Variants in FRMD6 observed in about 807,000 individuals in gnomAD.
The protein encoded by FRMD6 is FERM domain containing 6.
In FRMD6, 37 loss-of-function variants were observed where a neutral mutation model predicts 73.2. The observed-to-expected ratio is 0.51, with a 90% CI of 0.39 to 0.66. The LOEUF (loss-of-function observed/expected upper bound fraction) is 0.66, where lower values mean the gene tolerates loss of function less well. Ranked by LOEUF, FRMD6 falls within the 30% of genes least tolerant of loss-of-function variation. The pLI is 0.00. For missense variants in FRMD6, 714 were observed against 780.5 expected (o/e 0.91, Z 1.02); for synonymous variants, 273 against 282.2 (o/e 0.97, Z 0.33).
chr14:51,588,467 C>T (rs1249921824), intron 2 of FRMD6, among the ~76,000 whole-genome samples: 1 of 152,118 alleles, frequency 6.6e-6, no homozygotes, highest in African/African-American at 2.4e-5. Flanking sequence ...CAGGTCTCTA[C>T]TTGATTATGT....
intron 1 of FRMD6, among the ~76,000 whole-genome samples, chr14:51,520,130 A>C (rs930624231): frequency 1.3e-5 from 2 of 152,242 alleles, no homozygotes; most frequent in Admixed American, 6.5e-5. Flanking sequence ...TAAGCAATAC[A>C]AAGACAAACA....
chr14:51,424,628 G>C, the FRMD6 span, among the ~76,000 whole-genome samples: 13 of 152,232 alleles, frequency 8.5e-5, no homozygotes, highest in South Asian at 2.7e-3. Context: ...CCCCTCTTCA[G>C]GGAGTCCCAC....
chr14:51,452,842 GC>G, the FRMD6 span, among the ~76,000 whole-genome samples: 1 of 152,310 alleles, frequency 6.6e-6, no homozygotes, highest in South Asian at 2.1e-4. Context: ...CAAAGCATGA[GC>G]AGTCATTAGG....
At chr14:51,549,125 T>C (rs1030408163) in intron 1 of FRMD6, among the ~76,000 whole-genome samples, 7 of 152,202 alleles carry the variant, frequency 4.6e-5, no homozygotes, top group African/African-American at 1.7e-4. Context: ...GCAGCAGCCA[T>C]GCCTCTCTGG....
At chr14:51,461,282 C>T in the FRMD6 span, among the ~76,000 whole-genome samples, 1 of 152,190 alleles carries the variant, frequency 6.6e-6, no homozygotes, top group African/African-American at 2.4e-5. Context: ...GACCATTGAA[C>T]TTGCCTATGA....
At chr14:51,456,889 G>A in the FRMD6 span, among the ~76,000 whole-genome samples, 2 of 152,048 alleles carry the variant, frequency 1.3e-5, no homozygotes, top group Non-Finnish European at 2.9e-5. Flanking sequence ...AAATAAGCTA[G>A]GCATCAAAAG....
At chr14:51,589,867 G>C (rs139777803) in intron 2 of FRMD6, among the ~76,000 whole-genome samples, 2 of 152,118 alleles carry the variant, frequency 1.3e-5, no homozygotes, top group Non-Finnish European at 2.9e-5. Context: ...TCAGGAGTTC[G>C]AGACCAGCCT....
At chr14:51,492,946 C>T (rs1222896295) in intron 1 of FRMD6, among the ~76,000 whole-genome samples, 1 of 152,188 alleles carries the variant, frequency 6.6e-6, no homozygotes, top group Non-Finnish European at 1.5e-5. Flanking sequence ...TTACAAACTC[C>T]TTCCCAGTGG....
At chr14:51,461,740 C>T in the FRMD6 span, among the ~76,000 whole-genome samples, 9 of 152,312 alleles carry the variant, frequency 5.9e-5, no homozygotes, top group East Asian at 1.5e-3. Flanking sequence ...AAGCAATTTT[C>T]TTTGCTCATT....
At chr14:51,718,919 A>G (rs1157538678) in intron 10 of FRMD6, among the ~76,000 whole-genome samples, 1 of 152,114 alleles carries the variant, frequency 6.6e-6, no homozygotes, top group Non-Finnish European at 1.5e-5. Context: ...CTGGATTCAG[A>G]CATCAGGCAT....
chr14:51,497,485 T>C (rs1203310980), intron 1 of FRMD6, among the ~76,000 whole-genome samples: 1 of 152,198 alleles, frequency 6.6e-6, no homozygotes, highest in Non-Finnish European at 1.5e-5. Context: ...CTCTCTCTAC[T>C]AATGCTCTCT....
chr14:51,533,142 A>G (rs17124109), intron 1 of FRMD6, among the ~76,000 whole-genome samples: 10,221 of 152,270 alleles, frequency 0.067, 484 homozygotes, highest in East Asian at 0.25. Context: ...GTGTAGCCCA[A>G]TGACAAAGAG....
chr14:51,443,943 G>GGTT, the FRMD6 span, among the ~76,000 whole-genome samples: 7 of 140,724 alleles, frequency 5.0e-5, no homozygotes, highest in African/African-American at 1.3e-4. Context: ...CAAGTTGTGA[G>GGTT]TTTTTTTTTT....
intron 11 of FRMD6, 68 bp from the exon 12 acceptor site, chr14:51,721,881 T>TA: frequency 1.3e-6 from 2 of 1,568,614 alleles, no homozygotes; most frequent in Non-Finnish European, 1.7e-6. Context: ...ACCCTCAAAA[T>TA]ATGGTTGCAT....
chr14:51,634,587 C>A (rs1272360014), intron 2 of FRMD6, among the ~76,000 whole-genome samples: 1 of 151,682 alleles, frequency 6.6e-6, no homozygotes, highest in East Asian at 1.9e-4. Context: ...AACAAATTTT[C>A]ATTTACCAAT....
intron 2 of FRMD6, among the ~76,000 whole-genome samples, chr14:51,606,929 C>T (rs761632933): frequency 4.6e-5 from 7 of 152,092 alleles, no homozygotes; most frequent in African/African-American, 1.7e-4. Context: ...CAAAGGCTGG[C>T]GAGCCTGGAA....
At chr14:51,430,585 A>G in the FRMD6 span, among the ~76,000 whole-genome samples, 1 of 151,878 alleles carries the variant, frequency 6.6e-6, no homozygotes, top group East Asian at 1.9e-4. Flanking sequence ...CAAACTCTAC[A>G]TGCCACAGGG....
chr14:51,609,068 C>A (rs1890383478), intron 2 of FRMD6, among the ~76,000 whole-genome samples: 1 of 152,080 alleles, frequency 6.6e-6, no homozygotes, highest in Non-Finnish European at 1.5e-5. Context: ...TTTCAAGTAT[C>A]CTTTCTTGTT....
intron 2 of FRMD6, among the ~76,000 whole-genome samples, chr14:51,615,279 A>G (rs1890666266): frequency 6.6e-6 from 1 of 152,204 alleles, no homozygotes; most frequent in African/African-American, 2.4e-5. Flanking sequence ...AAAACTGTAT[A>G]TTAAGAGACA....
Sources: allele counts gnomAD v4.1 joint callset (sites outside exome capture counted in the v4.1 genomes callset), GRCh38; gene constraint gnomAD v4.1.1; transcripts MANE v1.5; gene names NCBI Gene and HGNC (gene_info 2026-07-23, HGNC 2026-07-21).